The following ANKRD52 variants were observed in gnomAD, a reference collection of about 807,000 sequenced individuals.
ANKRD52 encodes the protein serine/threonine-protein phosphatase 6 regulatory ankyrin repeat subunit C.
A neutral mutation model predicts 116.0 loss-of-function variants in ANKRD52; 7 were observed. That is an observed-to-expected ratio of 0.06 (90% confidence interval 0.03 to 0.11). The LOEUF (loss-of-function observed/expected upper bound fraction) is 0.11. Among genes scored for constraint, ANKRD52 ranks in the 10% least tolerant of loss-of-function variants. ANKRD52 has a pLI of 1.00. For missense variants in ANKRD52, 839 were observed against 1,408.6 expected, an observed-to-expected ratio of 0.60 and a Z score of 6.47; for synonymous variants, 528 against 578.1, an observed-to-expected ratio of 0.91 and a Z score of 1.24.
chr12:56,253,485 T>C lies in ANKRD52; in HGVS notation c.986-83A>G. 9.0e-7 allele frequency: 1 copy of C among 1,107,332 alleles called. No individual in the cohort carries two copies. Among genetic ancestry groups the C allele is most frequent in the Non-Finnish European group, 1.4e-6 (1 of 734,890 alleles). The allele number at this position is 1,107,332 out of a possible 1,614,324, so 68.6% of individuals were successfully genotyped here. On this transcript the variant is annotated intron_variant, in intron 9 of 27. Coordinates refer to ENST00000267116, the MANE Select transcript of ANKRD52 (RefSeq NM_173595.4). The surrounding 1 kb of genome is among the most constrained non-coding windows in gnomAD (Gnocchi z 5.5). ...GCGAGCTAGCCATGATTTGAGTGCC[T>C]ACTATGTATGCATCAGGTGCCAGGC...
chr12:56,245,706 G>GTATT, intron 20 of ANKRD52, 110 bp from the exon 21 acceptor site: 1 of 532,484 alleles, frequency 1.9e-6, no homozygotes, highest in Non-Finnish European at 3.0e-6. Flanking sequence ...TCCAATCCTT[G>GTATT]TCTTTTTTTT....
intron 1 of ANKRD52, 55 bp downstream of exon 1, chr12:56,258,188 T>C: frequency 6.3e-7 from 1 of 1,578,238 alleles, no homozygotes; most frequent in Non-Finnish European, 8.6e-7. Flanking sequence ...CGGGCTCGCG[T>C]GACGGCAGCG....
Position 56,244,213 on chromosome 12 carries a change from A to G in ANKRD52, c.2806-80T>C. On this transcript the variant is annotated intron_variant, in intron 25 of 27. Coordinates refer to ENST00000267116, the MANE Select transcript of ANKRD52 (RefSeq NM_173595.4). This position sits in a 1 kb window ranked among gnomAD's most constrained non-coding sequence, Gnocchi z 4.9. ...CAGGGCAGGAGTTGGGGAGAGTAAC[A>G]GGAGGACAAACAGCTGCCCAACCAG... is the stretch of plus-strand genomic sequence containing the variant. The G allele has an allele frequency of 6.4e-7, 1 of 1,560,184 alleles. No individual in the cohort carries two copies. Among genetic ancestry groups the G allele is most frequent in the Admixed American group, 1.7e-5 (1 of 59,088 alleles).
At position 56,244,070 on chromosome 12, in the gene ANKRD52, T is replaced by C; in HGVS notation, c.2869A>G (p.Thr957Ala). The change falls in exon 26 of 28, where the codon ACC (threonine) becomes GCC (alanine). Residue 957 changes from threonine (T) to alanine (A), a missense_variant. By Grantham distance (58) the Thr-to-Ala change is moderately conservative. Around this residue, in one of 2 missense-constraint regions of ANKRD52, gnomAD observed 552 missense variants for 810.6 expected, o/e 0.68. Transcript: ENST00000267116. The surrounding 1 kb of genome is among the most constrained non-coding windows in gnomAD (Gnocchi z 4.9). ...ETQDLGLINATNSALQMPLHI... is the reference protein window; with the variant it reads ...ETQDLGLINAANSALQMPLHI... ...ACTCACATCTGCAGCGCACTGTTGG[T>C]AGCATTGATAAGGCCAAGGTCTTGG... is the stretch of plus-strand genomic sequence containing the variant. 3.7e-6 allele frequency: 6 copies of C among 1,613,876 alleles called. No individual in the cohort carries two copies.
At position 56,254,030 on chromosome 12, in the gene ANKRD52, C is replaced by G. The variant is rs775356598; in HGVS notation, c.906+37G>C. On this transcript the variant is annotated intron_variant, in intron 8 of 27. Coordinates refer to ENST00000267116, the MANE Select transcript of ANKRD52 (RefSeq NM_173595.4). This position sits in a 1 kb window ranked among gnomAD's most constrained non-coding sequence, Gnocchi z 4.6. ...AGTCAGGACCCCTAGATCCAAGTTT[C>G]GCTCCCCACTGGTCTAAGCCTTATC... 2 of 1,582,116 alleles carry G rather than the reference C, an allele frequency of 1.3e-6. No homozygotes were observed. Among genetic ancestry groups the G allele is most frequent in the Non-Finnish European group, 1.7e-6 (2 of 1,152,704 alleles).
intron 20 of ANKRD52, among the ~76,000 whole-genome samples, chr12:56,246,040 C>CT (rs1421554069): frequency 1.4e-5 from 2 of 147,156 alleles, no homozygotes; most frequent in Non-Finnish European, 3.0e-5. Context: ...ATAATTCTTT[C>CT]TTTTTTTGAG....
At position 56,237,850 on chromosome 12, in the gene ANKRD52, A is replaced by T. The variant is rs1870983978; in HGVS notation, c.*5292T>A. ...AATAAACAGAACCCATCCCAAAGCC[A>T]TGACTACGACAGTTGTACTTGCACC... On this transcript the variant is annotated 3_prime_UTR_variant, in exon 28 of 28. Transcript: ENST00000267116. The T allele has an allele frequency of 1.6e-6, 2 of 1,233,524 alleles. No individual in the cohort carries two copies. Among genetic ancestry groups the T allele is most frequent in the Admixed American group, 3.1e-5 (1 of 32,328 alleles). 76.4% of individuals were successfully genotyped at this position (1,233,524 alleles called of 1,614,324 possible).
Position 56,248,349 on chromosome 12 carries a change from C to A in ANKRD52, c.1777-125G>T. On this transcript the variant is annotated intron_variant, in intron 17 of 27. Coordinates refer to ENST00000267116, the MANE Select transcript of ANKRD52 (RefSeq NM_173595.4). This position sits in a 1 kb window ranked among gnomAD's most constrained non-coding sequence, Gnocchi z 5.1. ...AGTCCTTGACAAGCTCCTTGGGCCCCTTAAGGCTTCCTACCCTGCACTGTG... is the reference window on the plus strand; with the variant it reads ...AGTCCTTGACAAGCTCCTTGGGCCCATTAAGGCTTCCTACCCTGCACTGTG... 7.0e-7 allele frequency: 1 copy of A among 1,423,872 alleles called. No homozygotes were observed. The highest frequency in any genetic ancestry group is 1.2e-5 in the South Asian group (1 of 81,454). The allele number at this position is 1,423,872 out of a possible 1,614,324, so 88.2% of individuals were successfully genotyped here. A position where few individuals can be genotyped will look rare whatever the true frequency, so the allele number is the denominator to read the frequency against.
chr12:56,238,620 GCACC>G lies in ANKRD52; in HGVS notation c.*4518_*4521del, dbSNP rs1871029298. On this transcript the variant is annotated 3_prime_UTR_variant, in exon 28 of 28. Transcript: ENST00000267116. ...GCAAGACACACAGCAGCGAGAGTAG[GCACC>G]CTCCCTTCCCAGGCTTCTGTGGCCT... 6.9e-6 allele frequency: 1 copy of G among 144,318 alleles called. No individual in the cohort carries two copies. Among genetic ancestry groups the G allele is most frequent in the Admixed American group, 7.0e-5 (1 of 14,208 alleles). 8.9% of individuals were successfully genotyped at this position (144,318 alleles called of 1,614,324 possible). A position where few individuals can be genotyped will look rare whatever the true frequency, so the allele number is the denominator to read the frequency against.
rs1027586049 is a variant in ANKRD52 at position 56,249,874 on chromosome 12, T to C, written c.1593-1004A>G. On this transcript the variant is annotated intron_variant, in intron 15 of 27. Coordinates refer to ENST00000267116, the MANE Select transcript of ANKRD52 (RefSeq NM_173595.4). ...GGGCAACATGGTGAAACCCCGTCTG[T>C]ACTAAAATACAAAAAATTAGCCAGG... Among the ~76,000 whole-genome samples the C allele has an allele frequency of 6.1e-4, 93 of 152,130 alleles. 1 individual carries two copies. Among genetic ancestry groups the C allele is most frequent in the Non-Finnish European group, 2.6e-4 (18 of 68,020 alleles).
Position 56,243,902 on chromosome 12 carries a change from C to T in ANKRD52, c.2889-26G>A. 1 of 1,579,534 alleles carries T rather than the reference C, an allele frequency of 6.3e-7. No homozygotes were observed. The highest frequency in any genetic ancestry group is 8.6e-7 in the Non-Finnish European group (1 of 1,162,268). On this transcript the variant is annotated intron_variant, in intron 26 of 27. Transcript: ENST00000267116. This position sits in a 1 kb window ranked among gnomAD's most constrained non-coding sequence, Gnocchi z 4.6. The stretch of plus-strand genomic sequence containing the variant: ...CTTGGAAAAAAGGAAAAAGAAGGAG[C>T]TTGATGCTAAGCTGCCCTTCCACCT...
At chr12:56,247,087 G>A (rs938071285) in intron 20 of ANKRD52, among the ~76,000 whole-genome samples, 6 of 151,530 alleles carry the variant, frequency 4.0e-5, no homozygotes, top group Admixed American at 3.3e-4. Flanking sequence ...GCTCATGCCT[G>A]TAATCCCAGC....
intron 2 of ANKRD52, 55 bp from the exon 3 acceptor site, chr12:56,257,416 G>A (rs1188670206): frequency 6.9e-7 from 1 of 1,449,518 alleles, no homozygotes; most frequent in African/African-American, 1.4e-5. Context: ...GGGCTATCAA[G>A]GACCCCAGCC....
rs760299799 is a variant in ANKRD52 at position 56,244,471 on chromosome 12, C to T, written c.2723-36G>A. ...AATGTGATAGAGGGACTGACCCCTC[C>T]CTCCAGAGCAGTAGCCATCCTGGCT... On this transcript the variant is annotated intron_variant, in intron 24 of 27. Coordinates refer to ENST00000267116, the MANE Select transcript of ANKRD52 (RefSeq NM_173595.4). The surrounding 1 kb of genome is among the most constrained non-coding windows in gnomAD (Gnocchi z 4.9). 6.2e-6 allele frequency: 10 copies of T among 1,609,296 alleles called. No individual in the cohort carries two copies. The highest frequency in any genetic ancestry group is 8.5e-6 in the Non-Finnish European group (10 of 1,176,168).
chr12:56,255,940 G>A lies in ANKRD52; in HGVS notation c.306C>T (p.Ala102=). The change falls in exon 5 of 28, where the codon GCC becomes GCT. Residue 102 remains alanine (A), a synonymous_variant. Coordinates refer to ENST00000267116, the MANE Select transcript of ANKRD52 (RefSeq NM_173595.4). This position sits in a 1 kb window ranked among gnomAD's most constrained non-coding sequence, Gnocchi z 4.3. ...GTGGTGTCTGCCACAGCTTGTCCCGGGCATTCACATCTGCTGAATGTGCCA... is the reference window on the plus strand; with the variant it reads ...GTGGTGTCTGCCACAGCTTGTCCCGAGCATTCACATCTGCTGAATGTGCCA... ...LLLAHSADVN[A]RDKLWQTPLH... 1.3e-6 allele frequency: 2 copies of A among 1,575,636 alleles called. No homozygotes were observed. Among genetic ancestry groups the A allele is most frequent in the Non-Finnish European group, 1.7e-6 (2 of 1,159,290 alleles).
In ANKRD52 at chr12:56,257,265, C is replaced by T; in HGVS notation, c.190+18G>A. 6.3e-7 allele frequency: 1 copy of T among 1,582,012 alleles called. No individual in the cohort carries two copies. Among genetic ancestry groups the T allele is most frequent in the Non-Finnish European group, 8.6e-7 (1 of 1,163,606 alleles). Reference sequence around the variant, plus strand: ...CTTCGCTCCCTATGTGCCACACCTTCCAGCTCCCCACTTTCACCTGACATC... The same window carrying T: ...CTTCGCTCCCTATGTGCCACACCTTTCAGCTCCCCACTTTCACCTGACATC... On this transcript the variant is annotated intron_variant, in intron 3 of 27. Transcript: ENST00000267116.
In ANKRD52 at chr12:56,238,485, C is replaced by T. The variant is rs2135869931; in HGVS notation, c.*4657G>A. 1 of 152,342 alleles carries T rather than the reference C, an allele frequency of 6.6e-6. No homozygotes were observed. The highest frequency in any genetic ancestry group is 1.5e-5 in the Non-Finnish European group (1 of 68,076). The allele number at this position is 152,342 out of a possible 1,614,324, so 9.4% of individuals were successfully genotyped here. A position where few individuals can be genotyped will look rare whatever the true frequency, so the allele number is the denominator to read the frequency against. The stretch of plus-strand genomic sequence containing the variant: ...CCCAGGTCCCCACCCCAACCCTCTC[C>T]CCTGTCTTGCTGTCCCCCGCAGGGG... On this transcript the variant is annotated 3_prime_UTR_variant, in exon 28 of 28. Coordinates refer to ENST00000267116, the MANE Select transcript of ANKRD52 (RefSeq NM_173595.4).
intron 15 of ANKRD52, 90 bp downstream of exon 15, chr12:56,251,925 G>C: frequency 7.1e-7 from 1 of 1,403,184 alleles, no homozygotes; most frequent in Non-Finnish European, 9.9e-7. Context: ...GCAGTATAGG[G>C]TAGAGGTTCA....
At position 56,255,247 on chromosome 12, in the gene ANKRD52, G is replaced by C. The variant is rs1172736928; in HGVS notation, c.463-295C>G. 2.7e-5 allele frequency among the ~76,000 whole-genome samples: 4 copies of C among 149,966 alleles called. No homozygotes were observed. Among genetic ancestry groups the C allele is most frequent in the Non-Finnish European group, 5.9e-5 (4 of 67,794 alleles). ...GCTCTGTTACCCAGGCTGGAGTTCA[G>C]TGGCATGATTTCGGCTCATTGCAAG... On this transcript the variant is annotated intron_variant, in intron 5 of 27. Transcript: ENST00000267116. The surrounding 1 kb of genome is among the most constrained non-coding windows in gnomAD (Gnocchi z 4.3).
Sources: gnomAD v4.1 joint callset for allele counts (sites outside exome capture counted in the v4.1 genomes callset) on GRCh38, gnomAD v4.1.1 for gene constraint, gnomAD v4.1.1 regional missense constraint, Gnocchi (gnomAD v3.1) non-coding constraint, MANE v1.5 for transcripts, NCBI Gene and HGNC (gene_info 2026-07-23, HGNC 2026-07-21) for gene names.